SLC9A9: variants seen among roughly 807,000 people sequenced by gnomAD.
SLC9A9 encodes sodium/hydrogen exchanger 9.
In SLC9A9, 62 loss-of-function variants were observed where a neutral mutation model predicts 77.8. The ratio of observed to expected loss-of-function variants is 0.80; its 90% confidence interval spans 0.65 to 0.98. The LOEUF is 0.98. SLC9A9 is among the 50% of genes least tolerant of loss of function. The pLI is 0.00. For missense variants in SLC9A9, 775 were observed against 774.9 expected (o/e 1.00, Z 0.00); for synonymous variants, 320 against 283.5 (o/e 1.13, Z -1.29).
At chr3:143,326,920 T>C (rs2031623446) in intron 14 of SLC9A9, among the ~76,000 whole-genome samples, 1 of 152,220 alleles carries the variant, frequency 6.6e-6, no homozygotes, top group South Asian at 2.1e-4. Flanking sequence ...TGGAGTCTAT[T>C]AGGGGACCAC....
intron 1 of SLC9A9, among the ~76,000 whole-genome samples, chr3:143,835,938 T>C (rs2009556542): frequency 6.6e-6 from 1 of 152,218 alleles, no homozygotes; most frequent in Non-Finnish European, 1.5e-5. Context: ...CAGCATCTCC[T>C]TCTCTAGGAA....
At chr3:143,279,122 T>C (rs761067210) in intron 14 of SLC9A9, among the ~76,000 whole-genome samples, 15 of 151,822 alleles carry the variant, frequency 9.9e-5, no homozygotes, top group Non-Finnish European at 2.1e-4. Context: ...TTTACTAATA[T>C]AACACCTTCC....
chr3:143,783,923 T>C (rs894422363), intron 4 of SLC9A9, among the ~76,000 whole-genome samples: 2 of 152,216 alleles, frequency 1.3e-5, no homozygotes. Context: ...GTAAATAAGA[T>C]GCCAATATCA....
At chr3:143,367,121 T>G (rs1163496672) in intron 13 of SLC9A9, among the ~76,000 whole-genome samples, 2 of 152,248 alleles carry the variant, frequency 1.3e-5, no homozygotes, top group Non-Finnish European at 2.9e-5. Flanking sequence ...AGAACTCATA[T>G]GCACTTCTGA....
At chr3:143,743,612 C>A (rs576261066) in intron 4 of SLC9A9, among the ~76,000 whole-genome samples, 38 of 152,146 alleles carry the variant, frequency 2.5e-4, no homozygotes, top group Non-Finnish European at 4.9e-4. Flanking sequence ...GGGCCTCTAA[C>A]TGATTGAATT....
At chr3:143,405,476 C>T (rs778106315) in intron 12 of SLC9A9, among the ~76,000 whole-genome samples, 3 of 152,158 alleles carry the variant, frequency 2.0e-5, no homozygotes, top group Admixed American at 2.0e-4. Flanking sequence ...GAGGTGATAG[C>T]CCCACAGTCT....
intron 4 of SLC9A9, among the ~76,000 whole-genome samples, chr3:143,711,328 G>A (rs1316771912): frequency 6.6e-6 from 1 of 151,788 alleles, no homozygotes; most frequent in Non-Finnish European, 1.5e-5. Context: ...TATAATAATA[G>A]GTTTTACTCA....
intron 13 of SLC9A9, chr3:143,371,922 A>T: frequency 2.7e-6 from 1 of 369,384 alleles, no homozygotes; most frequent in South Asian, 2.2e-5. Flanking sequence ...GTATACCAAC[A>T]GTGACCAAGC....
intron 4 of SLC9A9, among the ~76,000 whole-genome samples, chr3:143,705,830 G>A (rs1576671805): frequency 6.6e-6 from 1 of 152,178 alleles, no homozygotes; most frequent in East Asian, 1.9e-4. Flanking sequence ...TAGGTGTATA[G>A]TAAAGGTATA....
At chr3:143,371,945 CA>C (rs2033068627) in intron 13 of SLC9A9, 1 of 379,334 alleles carries the variant, frequency 2.6e-6, no homozygotes. Flanking sequence ...AGAATCAAAT[CA>C]AGAACTCAAT....
intron 9 of SLC9A9, among the ~76,000 whole-genome samples, chr3:143,499,806 G>GT (rs1288559585): frequency 3.9e-5 from 6 of 152,040 alleles, no homozygotes; most frequent in Non-Finnish European, 8.8e-5. Flanking sequence ...TTTATAAAAT[G>GT]TTTTTCCTTT....
Position 143,616,520 on chromosome 3 carries a change from T to C in SLC9A9, c.755+35735A>G, listed in dbSNP as rs573881191. Among the ~76,000 whole-genome samples the C allele has an allele frequency of 9.9e-5, 15 of 152,276 alleles. No individual in the cohort carries two copies. The South Asian group carries it at 1.7e-3, about 17-fold the overall frequency. ...CACTGGATTATGGCATTAAAAAGGG[T>C]TAACCTATATACAGTCTATGCTGCT... On this transcript the variant is annotated intron_variant, in intron 6 of 15. Coordinates refer to ENST00000316549, the MANE Select transcript of SLC9A9 (RefSeq NM_173653.4).
In SLC9A9 at chr3:143,517,931, C is replaced by T; in HGVS notation, c.1090-22483G>A. On this transcript the variant is annotated intron_variant, in intron 9 of 15. Coordinates refer to ENST00000316549, the MANE Select transcript of SLC9A9 (RefSeq NM_173653.4). ...CTCCGTTATCTCCGCATTTTCATCT[C>T]CCATTTCTTAAGGAGCATCAGTGTC... is the stretch of plus-strand genomic sequence containing the variant. 3 of 1,489,760 alleles carry T rather than the reference C, an allele frequency of 2.0e-6. No individual in the cohort carries two copies. The South Asian group carries it at 3.4e-5, about 17-fold the overall frequency. The allele number at this position is 1,489,760 out of a possible 1,614,324, so 92.3% of individuals were successfully genotyped here.
intron 14 of SLC9A9, among the ~76,000 whole-genome samples, chr3:143,345,457 G>GA (rs2032235236): frequency 6.6e-6 from 1 of 152,162 alleles, no homozygotes; most frequent in East Asian, 1.9e-4. Flanking sequence ...GAGGAGAACT[G>GA]AAAAATATCC....
At position 143,804,007 on chromosome 3, in the gene SLC9A9, C is replaced by T. The variant is rs138691966; in HGVS notation, c.379-7104G>A. Among the ~76,000 whole-genome samples, 966 of 152,246 alleles carry T rather than the reference C, an allele frequency of 6.3e-3. 7 individuals are homozygous for T. Among genetic ancestry groups the T allele is most frequent in the African/African-American group, 0.021 (883 of 41,534 alleles). ...TTCTCCTTATATTAACTCTACTCCC[C>T]CCTTATGTGGACCCCTCACAACACA... On this transcript the variant is annotated intron_variant, in intron 2 of 15. Transcript: ENST00000316549.
At chr3:143,711,579 ATT>A (rs35110625) in intron 4 of SLC9A9, among the ~76,000 whole-genome samples, 2,681 of 134,140 alleles carry the variant, frequency 0.02, 91 homozygotes, top group African/African-American at 0.072. Flanking sequence ...TAAAAAAAAA[ATT>A]TTTTTTTTTT....
At chr3:143,810,658 T>C (rs1041614825) in intron 2 of SLC9A9, among the ~76,000 whole-genome samples, 59 of 152,298 alleles carry the variant, frequency 3.9e-4, no homozygotes, top group African/African-American at 1.4e-3. Flanking sequence ...TTAAGCAAGA[T>C]TTAGGAGTGT....
At chr3:143,708,673 G>T (rs1287613025) in intron 4 of SLC9A9, among the ~76,000 whole-genome samples, 1 of 152,116 alleles carries the variant, frequency 6.6e-6, no homozygotes, top group Admixed American at 6.5e-5. Context: ...AACCTTAGAA[G>T]ATGATTCTCA....
At chr3:143,385,295 T>C (rs976913485) in intron 12 of SLC9A9, among the ~76,000 whole-genome samples, 2 of 152,206 alleles carry the variant, frequency 1.3e-5, no homozygotes, top group Non-Finnish European at 2.9e-5. Flanking sequence ...ATTTTCATTT[T>C]CTATCTATCT....
Sources: allele counts gnomAD v4.1 joint callset (sites outside exome capture counted in the v4.1 genomes callset), GRCh38; gene constraint gnomAD v4.1.1; transcripts MANE v1.5; gene names NCBI Gene and HGNC (gene_info 2026-07-23, HGNC 2026-07-21).